Variants in CNTNAP4 observed in about 807,000 individuals in gnomAD.
CNTNAP4 encodes the protein contactin-associated protein-like 4.
Under a neutral mutation model 148.4 loss-of-function variants are expected in CNTNAP4, and 98 were observed. The observed-to-expected ratio is 0.66, with a 90% CI of 0.56 to 0.78. The LOEUF is 0.78. Ranked by LOEUF, CNTNAP4 falls within the 30% of genes least tolerant of loss-of-function variation. The probability of loss-of-function intolerance (pLI) is 0.00; values close to 1 mark genes in which losing one functional copy is unlikely to be tolerated. For missense variants in CNTNAP4, 1,935 were observed against 1,565.6 expected, an observed-to-expected ratio of 1.24 and a Z score of -3.98; for synonymous variants, 730 against 565.1, an observed-to-expected ratio of 1.29 and a Z score of -4.14.
At chr16:76,494,727 T>TA (rs1053189875) in intron 13 of CNTNAP4, among the ~76,000 whole-genome samples, 183 bp from the exon 14 acceptor site, 11 of 152,128 alleles carry the variant, frequency 7.2e-5, no homozygotes, top group East Asian at 1.9e-4. Flanking sequence ...AACTTTTTTA[T>TA]AAAAAAAGTG....
chr16:76,368,596 C>A (rs897139421), intron 3 of CNTNAP4, among the ~76,000 whole-genome samples: 1 of 152,072 alleles, frequency 6.6e-6, no homozygotes, highest in Non-Finnish European at 1.5e-5. Flanking sequence ...ACAGCATGTT[C>A]TCACTCATAA....
rs1375700952 is a variant in CNTNAP4, at chr16:76,538,199, C to T, written c.3079C>T (p.His1027Tyr). 6.2e-7 allele frequency: 1 copy of T among 1,607,078 alleles called. No homozygotes were observed. Among genetic ancestry groups the T allele is most frequent in the Admixed American group, 1.7e-5 (1 of 57,962 alleles). ...TCTTTTAAGTAAAAACTCCAGCTCCCACGCTGCTTCATTTCATGGTGATAT... is the reference window on the plus strand; with the variant it reads ...TCTTTTAAGTAAAAACTCCAGCTCCTACGCTGCTTCATTTCATGGTGATAT... ...NYLLSKNSSSHAASFHGDMKL... is the reference protein window; with the variant it reads ...NYLLSKNSSSYAASFHGDMKL... Residue 1027 changes from histidine to tyrosine, a missense_variant, in exon 19 of 24, where the codon CAC becomes TAC. Transcript: ENST00000611870.
At chr16:76,294,242 C>CA (rs760486801) in intron 1 of CNTNAP4, among the ~76,000 whole-genome samples, 11 of 152,122 alleles carry the variant, frequency 7.2e-5, no homozygotes, top group Non-Finnish European at 1.2e-4. Context: ...GTAACTCTAA[C>CA]AAAGAGCAGA....
At position 76,476,104 on chromosome 16, in the gene CNTNAP4, C is replaced by G. The variant is rs372092799; in HGVS notation, c.1762+59C>G. The G allele has an allele frequency of 8.8e-6, 10 of 1,134,796 alleles. No individual in the cohort carries two copies. The East Asian group carries it at 1.4e-4, about 16-fold the overall frequency. 70.3% of individuals were successfully genotyped at this position (1,134,796 alleles called of 1,614,324 possible). A position where few individuals can be genotyped will look rare whatever the true frequency, so the allele number is the denominator to read the frequency against. ...GTGATGGTTTCTTTGTCCCATTTCCCTTTTCATTGCTGTGTGTATATATGT... is the reference window on the plus strand; with the variant it reads ...GTGATGGTTTCTTTGTCCCATTTCCGTTTTCATTGCTGTGTGTATATATGT... On this transcript the variant is annotated intron_variant, in intron 11 of 23. Transcript: ENST00000611870.
intron 12 of CNTNAP4, among the ~76,000 whole-genome samples, chr16:76,481,769 G>A (rs1398532961): frequency 6.6e-6 from 1 of 152,082 alleles, no homozygotes; most frequent in Non-Finnish European, 1.5e-5. Context: ...CATATCTTTC[G>A]GGCAGAGGAA....
chr16:76,320,198 A>C (rs1308284170), intron 2 of CNTNAP4, among the ~76,000 whole-genome samples: 2 of 152,200 alleles, frequency 1.3e-5, no homozygotes, highest in Admixed American at 1.3e-4. Context: ...AAAGTGGTAG[A>C]AAATTTGGTC....
intron 3 of CNTNAP4, among the ~76,000 whole-genome samples, chr16:76,426,224 A>G (rs2079396139): frequency 6.6e-6 from 1 of 152,154 alleles, no homozygotes; most frequent in Non-Finnish European, 1.5e-5. Flanking sequence ...ATGTACTAGA[A>G]AATGTTTTGG....
At chr16:76,328,222 C>G (rs1341471456) in intron 2 of CNTNAP4, among the ~76,000 whole-genome samples, 1 of 152,124 alleles carries the variant, frequency 6.6e-6, no homozygotes, top group Non-Finnish European at 1.5e-5. Flanking sequence ...CAAAGTTAAT[C>G]AGTGATAAAT....
At chr16:76,482,264 G>A (rs1435936833) in intron 12 of CNTNAP4, among the ~76,000 whole-genome samples, 2 of 152,094 alleles carry the variant, frequency 1.3e-5, no homozygotes, top group East Asian at 1.9e-4. Context: ...GTAGATGGAG[G>A]AAAGGTGTTA....
chr16:76,500,772 G>A (rs1165846579), intron 15 of CNTNAP4, among the ~76,000 whole-genome samples: 1 of 151,232 alleles, frequency 6.6e-6, no homozygotes, highest in Non-Finnish European at 1.5e-5. Context: ...ACATATATAT[G>A]TTTTATATAT....
intron 15 of CNTNAP4, among the ~76,000 whole-genome samples, chr16:76,520,632 G>A (rs1259629755): frequency 1.3e-5 from 2 of 152,076 alleles, no homozygotes; most frequent in East Asian, 1.9e-4. Flanking sequence ...TTAGAATGCC[G>A]GTCTCAGTTT....
chr16:76,482,900 G>A (rs765622704), intron 12 of CNTNAP4, among the ~76,000 whole-genome samples: 1 of 152,104 alleles, frequency 6.6e-6, no homozygotes. Flanking sequence ...TAGACTTCAT[G>A]GTTCTCAAAC....
chr16:76,424,389 C>A (rs904133512), intron 3 of CNTNAP4, among the ~76,000 whole-genome samples: 1 of 152,100 alleles, frequency 6.6e-6, no homozygotes, highest in Non-Finnish European at 1.5e-5. Flanking sequence ...GAAATAGAAT[C>A]AAAAGTATAA....
rs905088440 is a variant in CNTNAP4 at position 76,495,185 on chromosome 16, G to C, written c.2237+119G>C. 2.7e-6 allele frequency: 3 copies of C among 1,112,800 alleles called. No homozygotes were observed. The African/African-American group carries it at 4.7e-5, about 17-fold the overall frequency. The allele number at this position is 1,112,800 out of a possible 1,614,324, so 68.9% of individuals were successfully genotyped here. A position where few individuals can be genotyped will look rare whatever the true frequency, so the allele number is the denominator to read the frequency against. On this transcript the variant is annotated intron_variant, in intron 14 of 23. Transcript: ENST00000611870. The stretch of plus-strand genomic sequence containing the variant: ...TAGTGCAATGAAGTAATTAAATAAA[G>C]GTTTGTTTTAATGAAACGTGGTGTA...
chr16:76,481,929 G>A (rs532208430), intron 12 of CNTNAP4, among the ~76,000 whole-genome samples: 1 of 152,090 alleles, frequency 6.6e-6, no homozygotes, highest in Non-Finnish European at 1.5e-5. Flanking sequence ...GGAAGAGTAT[G>A]GGCTTCATGA....
At chr16:76,408,399 C>T (rs112284013) in intron 3 of CNTNAP4, among the ~76,000 whole-genome samples, 3 of 151,436 alleles carry the variant, frequency 2.0e-5, no homozygotes, top group East Asian at 2.0e-4. Context: ...AGTTGTTAAT[C>T]TATTAACAAT....
At chr16:76,397,944 A>C (rs1265747447) in intron 3 of CNTNAP4, among the ~76,000 whole-genome samples, 2 of 536 alleles carry the variant, frequency 3.7e-3, no homozygotes, top group African/African-American at 7.5e-3. Flanking sequence ...TAGATTATAT[A>C]CATATATATA....
intron 21 of CNTNAP4, among the ~76,000 whole-genome samples, chr16:76,545,073 A>G (rs2084650024): frequency 6.6e-6 from 1 of 152,238 alleles, no homozygotes; most frequent in South Asian, 2.1e-4. Flanking sequence ...TTTCAAAATA[A>G]TGGATTGGTT....
At chr16:76,481,366 T>C (rs2081820222) in intron 12 of CNTNAP4, among the ~76,000 whole-genome samples, 1 of 152,160 alleles carries the variant, frequency 6.6e-6, no homozygotes, top group African/African-American at 2.4e-5. Flanking sequence ...AAACTTAAAT[T>C]TAAAAATTTA....
Sources: gnomAD v4.1 joint callset for allele counts (sites outside exome capture counted in the v4.1 genomes callset) on GRCh38, gnomAD v4.1.1 for gene constraint, MANE v1.5 for transcripts, NCBI Gene and HGNC (gene_info 2026-07-23, HGNC 2026-07-21) for gene names.